The following ITSN1 variants were observed in gnomAD, a reference collection of about 807,000 sequenced individuals.
The protein encoded by ITSN1 is intersectin 1.
In ITSN1, 58 loss-of-function variants were observed where a neutral mutation model predicts 239.8. The observed-to-expected ratio is 0.24, with a 90% CI of 0.20 to 0.30. ITSN1 has a LOEUF of 0.30. ITSN1 is among the 10% of genes least tolerant of loss of function. The pLI, the probability that ITSN1 is intolerant of heterozygous loss-of-function variation, is 1.00. For missense variants in ITSN1, 1,558 were observed against 2,103.3 expected (o/e 0.74, Z 5.07); for synonymous variants, 780 against 770.8 (o/e 1.01, Z -0.20).
chr21:33,672,763 G>A (rs1332868565), intron 1 of ITSN1, among the ~76,000 whole-genome samples: 1 of 151,668 alleles, frequency 6.6e-6, no homozygotes, highest in African/African-American at 2.4e-5. Flanking sequence ...CCAGGCTGGA[G>A]TGCGGTGGCG....
intron 1 of ITSN1, among the ~76,000 whole-genome samples, chr21:33,651,718 G>C (rs938320011): frequency 1.3e-5 from 2 of 152,086 alleles, no homozygotes; most frequent in African/African-American, 4.8e-5. Context: ...AAAATAGCAG[G>C]CTTTTGCATT....
intron 26 of ITSN1, 188 bp from the exon 27 acceptor site, chr21:33,829,436 A>G: frequency 1.6e-6 from 1 of 627,112 alleles, no homozygotes; most frequent in Non-Finnish European, 2.8e-6. Flanking sequence ...CAGGCCCTTG[A>G]ATGCCGTGTC....
intron 16 of ITSN1, among the ~76,000 whole-genome samples, chr21:33,787,497 C>T (rs149505329): frequency 6.6e-6 from 1 of 152,210 alleles, no homozygotes; most frequent in African/African-American, 2.4e-5. Context: ...AGAACCGAAT[C>T]GATGTTGAAA....
chr21:33,711,777 G>A (rs536812884), intron 1 of ITSN1, among the ~76,000 whole-genome samples: 1 of 151,828 alleles, frequency 6.6e-6, no homozygotes, highest in African/African-American at 2.4e-5. Flanking sequence ...CACATAGAAT[G>A]TAGAAGGCTT....
At chr21:33,669,777 G>A (rs2090153259) in intron 1 of ITSN1, among the ~76,000 whole-genome samples, 2 of 151,868 alleles carry the variant, frequency 1.3e-5, no homozygotes, top group South Asian at 2.1e-4. Context: ...GGTAGAAAAC[G>A]TCTTAATTTT....
intron 5 of ITSN1, among the ~76,000 whole-genome samples, chr21:33,742,459 A>G (rs1363369583): frequency 1.3e-5 from 2 of 152,252 alleles, no homozygotes; most frequent in African/African-American, 4.8e-5. Flanking sequence ...AGAGGGAAGA[A>G]TTAGGGTACC....
At chr21:33,733,388 A>G (rs1023289294) in intron 4 of ITSN1, among the ~76,000 whole-genome samples, 2 of 152,168 alleles carry the variant, frequency 1.3e-5, no homozygotes, top group East Asian at 3.8e-4. Flanking sequence ...ACCCCTACCC[A>G]TAATTATTGG....
Position 33,721,123 on chromosome 21 carries a change from AT to A in ITSN1, c.29-51del, listed in dbSNP as rs2065457373. ...TGCTGTGGAAATAGTGTGTGAGAGC[AT>A]TTTGTTTTCCTTTTCTCACTGAATA... is the stretch of plus-strand genomic sequence containing the variant. On this transcript the variant is annotated intron_variant, in intron 2 of 39. Coordinates refer to ENST00000381318, the MANE Select transcript of ITSN1 (RefSeq NM_003024.3). The A allele has an allele frequency of 3.5e-6, 4 of 1,156,520 alleles. No individual in the cohort carries two copies. The Admixed American group carries it at 5.1e-5, about 15-fold the overall frequency. The allele number at this position is 1,156,520 out of a possible 1,614,324, so 71.6% of individuals were successfully genotyped here.
intron 29 of ITSN1, 63 bp from the exon 30 acceptor site, chr21:33,856,673 G>T: frequency 1.2e-6 from 2 of 1,608,266 alleles, no homozygotes; most frequent in Non-Finnish European, 1.7e-6. Context: ...AGGATCTTCC[G>T]TGTGAAGTTG....
At position 33,772,314 on chromosome 21, in the gene ITSN1, G is replaced by GAGGCGAGAGGTAAGC. The variant is rs1293814308; in HGVS notation, c.1305+1_1305+15dup. 1.3e-6 allele frequency: 2 copies of GAGGCGAGAGGTAAGC among 1,553,174 alleles called. No individual in the cohort carries two copies. Among genetic ancestry groups the GAGGCGAGAGGTAAGC allele is most frequent in the Non-Finnish European group, 1.7e-6 (2 of 1,147,904 alleles). ...AGGAGGAGAGGAGGAAAGAAATTGA[G>GAGGCGAGAGGTAAGC]AGGCGAGAGGTAAGCAGGCGAGAGT... On this transcript the variant is annotated inframe_insertion, in exon 12 of 40. Coordinates refer to ENST00000381318, the MANE Select transcript of ITSN1 (RefSeq NM_003024.3).
intron 1 of ITSN1, among the ~76,000 whole-genome samples, chr21:33,701,016 G>C (rs1459062517): frequency 6.7e-6 from 1 of 149,090 alleles, no homozygotes; most frequent in Non-Finnish European, 1.5e-5. Context: ...GTCTCACTCT[G>C]TTTCCCAGGC....
At chr21:33,804,220 G>A (rs980600253) in intron 20 of ITSN1, among the ~76,000 whole-genome samples, 3 of 152,108 alleles carry the variant, frequency 2.0e-5, no homozygotes, top group African/African-American at 7.2e-5. Context: ...GTCTAACATT[G>A]TGACAGTGTT....
rs1047024015 is a variant in ITSN1 at position 33,858,571 on chromosome 21, T to C, written c.3784-115T>C. 6.4e-6 allele frequency: 4 copies of C among 624,594 alleles called. No individual in the cohort carries two copies. The African/African-American group carries it at 7.5e-5, about 12-fold the overall frequency. 38.7% of individuals were successfully genotyped at this position (624,594 alleles called of 1,614,324 possible). On this transcript the variant is annotated intron_variant, in intron 30 of 39. Coordinates refer to ENST00000381318, the MANE Select transcript of ITSN1 (RefSeq NM_003024.3). Reference sequence around the variant, plus strand: ...GAAAGCAGGCGTTCACCTCTGGGCCTCTCAGCCAAGGTACAGACACCTGAG... The same window carrying C: ...GAAAGCAGGCGTTCACCTCTGGGCCCCTCAGCCAAGGTACAGACACCTGAG...
rs749894224 is a variant in ITSN1 at position 33,782,045 on chromosome 21, G to T, written c.1736G>T (p.Arg579Leu). 2 of 1,613,488 alleles carry T rather than the reference G, an allele frequency of 1.2e-6. No homozygotes were observed. Among genetic ancestry groups the T allele is most frequent in the Admixed American group, 1.7e-5 (1 of 59,936 alleles). The change falls in exon 16 of 40, where the codon CGG becomes CTG. Residue 579 changes from arginine to leucine, a missense_variant. Around this residue, in one of 2 missense-constraint regions of ITSN1, gnomAD observed 982 missense variants for 1,209.9 expected, o/e 0.81. Transcript: ENST00000381318. ...KRALEAKELARQHLRDQLDEV... is the reference protein window; with the variant it reads ...KRALEAKELALQHLRDQLDEV... The stretch of plus-strand genomic sequence containing the variant: ...GCCTTAGAAGCAAAAGAACTAGCTC[G>T]GCAGCACCTACGAGACCAACTGGAT...
intron 18 of ITSN1, 95 bp from the exon 19 acceptor site, chr21:33,799,713 C>A: frequency 7.6e-7 from 1 of 1,313,066 alleles, no homozygotes; most frequent in Non-Finnish European, 1.1e-6. Context: ...TTAAGATAGG[C>A]AATAGAGGAG....
chr21:33,779,959 G>A (rs1435190097), intron 14 of ITSN1, among the ~76,000 whole-genome samples: 1 of 152,078 alleles, frequency 6.6e-6, no homozygotes, highest in East Asian at 1.9e-4. Context: ...AGCCTCCCCG[G>A]TAGCAGGGAT....
intron 1 of ITSN1, among the ~76,000 whole-genome samples, chr21:33,708,094 A>G (rs909528512): frequency 6.6e-6 from 1 of 152,192 alleles, no homozygotes; most frequent in Non-Finnish European, 1.5e-5. Flanking sequence ...GTGGCATATC[A>G]GTGTGATTTT....
chr21:33,844,708 G>A (rs1038394425), intron 29 of ITSN1, among the ~76,000 whole-genome samples: 14 of 152,022 alleles, frequency 9.2e-5, no homozygotes, highest in Non-Finnish European at 2.1e-4. Flanking sequence ...CCCCAGGAGA[G>A]CGAGCCTGCA....
intron 26 of ITSN1, 157 bp from the exon 27 acceptor site, chr21:33,829,467 G>A (rs542572841): frequency 1.1e-5 from 8 of 730,774 alleles, no homozygotes; most frequent in Admixed American, 4.8e-5. Context: ...CTCTGGGAAC[G>A]GGCGATTCAG....
Sources: gnomAD v4.1 joint callset for allele counts (sites outside exome capture counted in the v4.1 genomes callset) on GRCh38, gnomAD v4.1.1 for gene constraint, gnomAD v4.1.1 regional missense constraint, MANE v1.5 for transcripts, NCBI Gene and HGNC (gene_info 2026-07-23, HGNC 2026-07-21) for gene names.